Variants in DDX31 observed in about 807,000 individuals in gnomAD.
The protein encoded by DDX31 is DEAD-box helicase 31, also known as ATP-dependent DNA helicase DDX31.
A neutral mutation model predicts 91.3 loss-of-function variants in DDX31; 70 were observed. That is an observed-to-expected ratio of 0.77 (90% CI 0.63 to 0.94). DDX31 has a LOEUF of 0.94. DDX31 is among the 40% of genes least tolerant of loss of function. The pLI is 0.00. For synonymous variants in DDX31, 362 were observed against 350.6 expected (o/e 1.03, Z -0.36); for missense variants, 902 against 925.0 (o/e 0.98, Z 0.32).
chr9:132,613,278 G>GTGT (rs1424955830), intron 18 of DDX31, among the ~76,000 whole-genome samples: 245 of 152,318 alleles, frequency 1.6e-3, no homozygotes, highest in African/African-American at 5.6e-3. Context: ...AAAAGGGAAT[G>GTGT]AAACAAATGT....
At chr9:132,627,815 C>G (rs980620805) in intron 16 of DDX31, among the ~76,000 whole-genome samples, 2 of 152,314 alleles carry the variant, frequency 1.3e-5, no homozygotes, top group South Asian at 4.1e-4. Context: ...CCCTTGCTGC[C>G]GAGAGCCTCG....
intron 1 of DDX31, chr9:132,669,492 G>T: frequency 2.8e-6 from 3 of 1,061,154 alleles, no homozygotes; most frequent in Non-Finnish European, 3.8e-6. Flanking sequence ...TCAGAGCTTA[G>T]TCCGCACTCA....
At chr9:132,659,595 C>T in intron 5 of DDX31, 115 bp downstream of exon 5, 1 of 937,378 alleles carries the variant, frequency 1.1e-6, no homozygotes, top group Non-Finnish European at 1.6e-6. Context: ...TGGCCTCCCT[C>T]CCCCAAACGA....
chr9:132,650,823 A>G (rs893826693), intron 8 of DDX31, among the ~76,000 whole-genome samples: 3 of 152,178 alleles, frequency 2.0e-5, no homozygotes, highest in African/African-American at 7.2e-5. Flanking sequence ...GAATTTCTGT[A>G]TGTGGCTTGC....
chr9:132,646,356 G>A (rs962988523), intron 12 of DDX31, among the ~76,000 whole-genome samples: 2 of 152,036 alleles, frequency 1.3e-5, no homozygotes, highest in South Asian at 2.1e-4. Flanking sequence ...CCCTTTATTC[G>A]CCCAGGGCTT....
chr9:132,625,513 AC>A, intron 17 of DDX31, 150 bp downstream of exon 17: 9 of 652,858 alleles, frequency 1.4e-5, no homozygotes, highest in Admixed American at 3.2e-5. Context: ...AAAAAAAAAA[AC>A]AATCAAGATT....
chr9:132,615,430 C>T (rs920241262), intron 18 of DDX31, among the ~76,000 whole-genome samples: 2 of 152,132 alleles, frequency 1.3e-5, no homozygotes, highest in Non-Finnish European at 2.9e-5. Flanking sequence ...ACACCTACAG[C>T]GACAACTACG....
Position 132,593,015 on chromosome 9 carries a change from AT to A in DDX31, c.*1850del, listed in dbSNP as rs769947685. 2.0e-5 allele frequency: 3 copies of A among 152,226 alleles called. No individual in the cohort carries two copies. The highest frequency in any genetic ancestry group is 4.4e-5 in the Non-Finnish European group (3 of 68,034). 9.4% of individuals were successfully genotyped at this position (152,226 alleles called of 1,614,324 possible). On this transcript the variant is annotated 3_prime_UTR_variant, in exon 20 of 20. Coordinates refer to ENST00000372159, the MANE Select transcript of DDX31 (RefSeq NM_022779.9). ...GCCATAATAGAAGAGAAAGAGATTT[AT>A]TTTAAGGTTATTTAAATTTAAACAA...
rs367924303 is a variant in DDX31 at position 132,616,466 on chromosome 9, T to C, written c.1825+1864A>G. Among the ~76,000 whole-genome samples the C allele has an allele frequency of 3.9e-4, 60 of 152,292 alleles. No homozygotes were observed. In the East Asian group the frequency reaches 5.8e-3, roughly 15 times the overall value. ...AGATGACCGAGACACCTTGAAATAG[T>C]TGTAGTCTTGCCAAAATATCTGAGG... On this transcript the variant is annotated intron_variant, in intron 18 of 19. Coordinates refer to ENST00000372159, the MANE Select transcript of DDX31 (RefSeq NM_022779.9).
intron 19 of DDX31, among the ~76,000 whole-genome samples, chr9:132,598,343 C>T (rs564459610): frequency 2.0e-4 from 31 of 152,334 alleles, no homozygotes; most frequent in African/African-American, 7.2e-4. Flanking sequence ...CCAACTTTCT[C>T]GCCCTCCTTG....
At chr9:132,641,430 G>C (rs958885631) in intron 14 of DDX31, among the ~76,000 whole-genome samples, 1 of 152,178 alleles carries the variant, frequency 6.6e-6, no homozygotes, top group Non-Finnish European at 1.5e-5. Flanking sequence ...CCCCAGCCTG[G>C]GGGTAGAGAA....
intron 16 of DDX31, among the ~76,000 whole-genome samples, chr9:132,627,050 G>C (rs956189237): frequency 2.0e-5 from 3 of 152,120 alleles, no homozygotes; most frequent in Non-Finnish European, 1.5e-5. Flanking sequence ...GGTGAAAACA[G>C]AGCCCAGTCC....
intron 14 of DDX31, among the ~76,000 whole-genome samples, chr9:132,632,300 T>TCACACACACACACACAC (rs1832836841): frequency 2.6e-5 from 1 of 38,378 alleles, no homozygotes; most frequent in Non-Finnish European, 8.0e-5. Context: ...ACACACACAG[T>TCACACACACACACACAC]CCTGCATACA....
chr9:132,644,220 A>C (rs1394349879), intron 13 of DDX31, among the ~76,000 whole-genome samples: 2 of 152,230 alleles, frequency 1.3e-5, no homozygotes, highest in Non-Finnish European at 2.9e-5. Context: ...TACTTTTTAA[A>C]CTATAAAAAC....
rs532617077 is a variant in DDX31 at position 132,635,320 on chromosome 9, T to C, written c.1441-3229A>G. 2.6e-5 allele frequency among the ~76,000 whole-genome samples: 4 copies of C among 152,302 alleles called. No homozygotes were observed. In the East Asian group the frequency reaches 5.8e-4, roughly 22 times the overall value. ...GCTTTTAGCATTTACTGATGGCCCT[T>C]GTCTGTACTGTTACCTTGATGACTC... On this transcript the variant is annotated intron_variant, in intron 14 of 19. Coordinates refer to ENST00000372159, the MANE Select transcript of DDX31 (RefSeq NM_022779.9).
intron 19 of DDX31, 88 bp downstream of exon 19, chr9:132,611,999 G>C: frequency 8.0e-6 from 12 of 1,506,824 alleles, no homozygotes; most frequent in Non-Finnish European, 9.9e-6. Flanking sequence ...AGTGAGAAGA[G>C]AGTTGCGGTG....
At chr9:132,636,692 C>T (rs554454812) in intron 14 of DDX31, among the ~76,000 whole-genome samples, 4 of 152,298 alleles carry the variant, frequency 2.6e-5, no homozygotes, top group East Asian at 1.9e-4. Flanking sequence ...CCCACTAATG[C>T]GTGTGTTGGG....
At chr9:132,603,909 G>A (rs978312651) in intron 19 of DDX31, among the ~76,000 whole-genome samples, 6 of 152,160 alleles carry the variant, frequency 3.9e-5, no homozygotes, top group African/African-American at 1.4e-4. Context: ...GTGGGGAGGA[G>A]GGTGCGTTTG....
At chr9:132,665,867 T>C (rs1329148836) in intron 1 of DDX31, among the ~76,000 whole-genome samples, 12 of 152,226 alleles carry the variant, frequency 7.9e-5, no homozygotes, top group Non-Finnish European at 1.6e-4. Flanking sequence ...GAGGCAGAGA[T>C]GTGACGTAAT....
Sources: allele counts gnomAD v4.1 joint callset (sites outside exome capture counted in the v4.1 genomes callset), GRCh38; gene constraint gnomAD v4.1.1; transcripts MANE v1.5; gene names NCBI Gene and HGNC (gene_info 2026-07-23, HGNC 2026-07-21).